UBR1: variants seen among roughly 807,000 people sequenced by gnomAD.
UBR1 encodes the protein ubiquitin protein ligase E3 component n-recognin 1, also known as E3 ubiquitin-protein ligase UBR1.
Under a neutral mutation model 242.1 loss-of-function variants are expected in UBR1, and 102 were observed. The observed-to-expected ratio is 0.42, with a 90% CI of 0.36 to 0.50. The LOEUF (loss-of-function observed/expected upper bound fraction) is 0.50, where lower values mean the gene tolerates loss of function less well. UBR1 is among the 20% of genes least tolerant of loss of function. UBR1 has a pLI of 0.01. For missense variants in UBR1, 1,772 were observed against 2,101.8 expected, an observed-to-expected ratio of 0.84 and a Z score of 3.07; for synonymous variants, 675 against 684.8, an observed-to-expected ratio of 0.99 and a Z score of 0.22.
chr15:42,959,621 A>C (rs1333863224), intron 43 of UBR1, among the ~76,000 whole-genome samples: 1 of 152,208 alleles, frequency 6.6e-6, no homozygotes, highest in African/African-American at 2.4e-5. Context: ...AAAGGTGTAC[A>C]GTGAATTGAA....
intron 46 of UBR1, among the ~76,000 whole-genome samples, chr15:42,947,287 G>A (rs1052907060): frequency 4.6e-5 from 7 of 152,142 alleles, no homozygotes; most frequent in Non-Finnish European, 7.3e-5. Flanking sequence ...ATAGAACACT[G>A]AAACATTAAG....
Position 43,091,949 on chromosome 15 carries a change from G to A in UBR1, c.82-5709C>T, listed in dbSNP as rs759589474. The A allele has an allele frequency of 9.4e-5, 39 of 416,378 alleles. 1 individual carries two copies. Among genetic ancestry groups the A allele is most frequent in the African/African-American group, 1.7e-4 (8 of 46,432 alleles). The allele number at this position is 416,378 out of a possible 1,614,324, so 25.8% of individuals were successfully genotyped here. On this transcript the variant is annotated intron_variant, in intron 1 of 46. Coordinates refer to ENST00000290650, the MANE Select transcript of UBR1 (RefSeq NM_174916.3). ...AAAAAAAAAAAAATTAGCCAGATGC[G>A]GTGGCACATACCTGTGGTCCCAGCT...
At chr15:43,054,719 A>G in intron 12 of UBR1, 23 bp downstream of exon 12, 1 of 1,613,726 alleles carries the variant, frequency 6.2e-7, no homozygotes, top group Non-Finnish European at 8.5e-7. Flanking sequence ...AGGTGCCCTC[A>G]CCTTTTGACT....
chr15:43,067,990 G>T lies in UBR1; in HGVS notation c.706C>A (p.His236Asn), dbSNP rs1177677093. ...YYCVLFNDEHHSYDHVIYSLQ... is the reference protein window; with the variant it reads ...YYCVLFNDEHNSYDHVIYSLQ... Reference sequence around the variant, plus strand: ...CTGTATATGACGTGGTCATATGAATGGTGTTCATCATTGAAAAGGACACAA... The same window carrying T: ...CTGTATATGACGTGGTCATATGAATTGTGTTCATCATTGAAAAGGACACAA... The change falls in exon 6 of 47, where the codon CAT becomes AAT. Residue 236 changes from histidine to asparagine, a missense_variant. Physicochemically the swap from His to Asn is moderately conservative, Grantham distance 68. Transcript: ENST00000290650. 6.2e-7 allele frequency: 1 copy of T among 1,610,936 alleles called. No homozygotes were observed. Among genetic ancestry groups the T allele is most frequent in the Non-Finnish European group, 8.5e-7 (1 of 1,178,656 alleles).
In UBR1 at chr15:42,947,813, C is replaced by T. The variant is rs545609262; in HGVS notation, c.5109-2343G>A. Among the ~76,000 whole-genome samples the T allele has an allele frequency of 3.5e-3, 536 of 152,232 alleles. 6 individuals carry two copies. The South Asian group carries it at 0.042, about 12-fold the overall frequency. Reference sequence around the variant, plus strand: ...TACAAACAAATGGAAGAACATTCCACGCTCATGGGTAGGAAGAATCAGTAT... The same window carrying T: ...TACAAACAAATGGAAGAACATTCCATGCTCATGGGTAGGAAGAATCAGTAT... On this transcript the variant is annotated intron_variant, in intron 46 of 46. Transcript: ENST00000290650.
chr15:43,074,382 CTT>C, intron 4 of UBR1, among the ~76,000 whole-genome samples: 1 of 152,260 alleles, frequency 6.6e-6, no homozygotes, highest in South Asian at 2.1e-4. Flanking sequence ...ATATGCTACT[CTT>C]ATCTATTAAT....
intron 46 of UBR1, among the ~76,000 whole-genome samples, chr15:42,946,362 G>A (rs1323799665): frequency 2.0e-5 from 3 of 152,030 alleles, no homozygotes; most frequent in Non-Finnish European, 1.5e-5. Context: ...TCCTGACCTC[G>A]TGATCCGCCC....
At chr15:42,953,310 C>A (rs1233814928) in intron 44 of UBR1, among the ~76,000 whole-genome samples, 1 of 152,164 alleles carries the variant, frequency 6.6e-6, no homozygotes, top group Non-Finnish European at 1.5e-5. Flanking sequence ...TGGGAAATAT[C>A]AAATTCCTTA....
intron 39 of UBR1, among the ~76,000 whole-genome samples, chr15:42,972,965 A>G (rs1567112351): frequency 6.6e-6 from 1 of 152,242 alleles, no homozygotes; most frequent in African/African-American, 2.4e-5. Flanking sequence ...CCCCATCAAC[A>G]ACAAATGAGA....
At chr15:43,048,552 C>G in intron 12 of UBR1, 61 bp from the exon 13 acceptor site, 2 of 1,336,988 alleles carry the variant, frequency 1.5e-6, no homozygotes, top group Non-Finnish European at 2.1e-6. Flanking sequence ...TTTTAAGGTT[C>G]TCAGGGTTAT....
intron 13 of UBR1, 27 bp from the exon 14 acceptor site, chr15:43,047,316 ACCTATCTGAGC>A: frequency 6.2e-7 from 1 of 1,613,982 alleles, no homozygotes; most frequent in Non-Finnish European, 8.5e-7. Context: ...GTCAACATAC[ACCTATCTGAGC>A]CCTCTCTCTT....
chr15:43,086,929 C>T (rs2034043054), intron 1 of UBR1, among the ~76,000 whole-genome samples: 1 of 152,172 alleles, frequency 6.6e-6, no homozygotes, highest in Non-Finnish European at 1.5e-5. Context: ...ACTGCTTGAG[C>T]CCAGGAGTTC....
intron 3 of UBR1, among the ~76,000 whole-genome samples, chr15:43,076,439 C>T (rs2033894926): frequency 6.6e-6 from 1 of 151,708 alleles, no homozygotes; most frequent in Non-Finnish European, 1.5e-5. Context: ...GCCCGGCCGC[C>T]ATCCCATCTA....
At chr15:42,983,257 C>T (rs1470081115) in intron 37 of UBR1, among the ~76,000 whole-genome samples, 1 of 152,144 alleles carries the variant, frequency 6.6e-6, no homozygotes, top group Non-Finnish European at 1.5e-5. Flanking sequence ...CCTTTTCTAA[C>T]TGGATTGGGG....
At chr15:43,074,834 A>G in intron 4 of UBR1, 145 bp downstream of exon 4, 1 of 668,546 alleles carries the variant, frequency 1.5e-6, no homozygotes, top group Non-Finnish European at 2.7e-6. Flanking sequence ...GTTTCTTTGG[A>G]GCTAGAAAAA....
chr15:43,084,260 C>G (rs1390792352), intron 2 of UBR1, among the ~76,000 whole-genome samples: 1 of 152,062 alleles, frequency 6.6e-6, no homozygotes, highest in Non-Finnish European at 1.5e-5. Context: ...ATCTTGGCCT[C>G]TACACACTAG....
chr15:42,959,444 CT>C, intron 43 of UBR1, among the ~76,000 whole-genome samples: 1 of 152,218 alleles, frequency 6.6e-6, no homozygotes, highest in African/African-American at 2.4e-5. Context: ...CTTTAAATTT[CT>C]ATAGCACTAA....
At chr15:43,056,321 G>GA in intron 11 of UBR1, 23 bp downstream of exon 11, 1 of 1,546,024 alleles carries the variant, frequency 6.5e-7, no homozygotes, top group Non-Finnish European at 8.9e-7. Context: ...TAGAAAGACT[G>GA]AAAAGGAATA....
At chr15:43,037,256 G>A (rs940599612) in intron 17 of UBR1, among the ~76,000 whole-genome samples, 4 of 149,430 alleles carry the variant, frequency 2.7e-5, no homozygotes, top group Non-Finnish European at 5.9e-5. Flanking sequence ...GCTGAGGCAC[G>A]AAAATCACTT....
Sources: allele counts gnomAD v4.1 joint callset (sites outside exome capture counted in the v4.1 genomes callset), GRCh38; gene constraint gnomAD v4.1.1; transcripts MANE v1.5; gene names NCBI Gene and HGNC (gene_info 2026-07-23, HGNC 2026-07-21).